Variants in GALNTL6 observed in about 807,000 individuals in gnomAD.
The protein encoded by GALNTL6 is polypeptide N-acetylgalactosaminyltransferase-like 6.
In GALNTL6, 46 loss-of-function variants were observed where a neutral mutation model predicts 73.7. That is an observed-to-expected ratio of 0.62 (90% CI 0.49 to 0.80). The LOEUF (loss-of-function observed/expected upper bound fraction) is 0.80, where lower values mean the gene tolerates loss of function less well. GALNTL6 is among the 30% of genes least tolerant of loss of function. The pLI, the probability that GALNTL6 is intolerant of heterozygous loss-of-function variation, is 0.00. For missense variants in GALNTL6, 604 were observed against 755.0 expected (o/e 0.80, Z 2.34); for synonymous variants, 259 against 263.7 (o/e 0.98, Z 0.17).
chr4:171,871,133 G>A (rs901859184), intron 2 of GALNTL6, among the ~76,000 whole-genome samples: 5 of 152,064 alleles, frequency 3.3e-5, no homozygotes, highest in Admixed American at 2.6e-4. Flanking sequence ...GGTAAATACA[G>A]TAGTCCCTTC....
At chr4:171,906,879 A>G (rs1314569145) in intron 2 of GALNTL6, among the ~76,000 whole-genome samples, 1 of 152,196 alleles carries the variant, frequency 6.6e-6, no homozygotes, top group East Asian at 1.9e-4. Flanking sequence ...TATAAACAGA[A>G]CCAAAGACAA....
intron 5 of GALNTL6, among the ~76,000 whole-genome samples, chr4:172,360,385 T>C (rs1742319850): frequency 6.6e-6 from 1 of 152,184 alleles, no homozygotes; most frequent in Admixed American, 6.5e-5. Context: ...TTGATTTTAG[T>C]CATATGTACC....
intron 7 of GALNTL6, among the ~76,000 whole-genome samples, chr4:172,815,467 C>A (rs1256292036): frequency 3.3e-5 from 5 of 152,126 alleles, no homozygotes; most frequent in African/African-American, 1.2e-4. Context: ...TAGAACTCAC[C>A]CAGGCTGGCT....
At chr4:172,388,695 TA>T (rs1743558414) in intron 5 of GALNTL6, among the ~76,000 whole-genome samples, 1 of 152,074 alleles carries the variant, frequency 6.6e-6, no homozygotes, top group Non-Finnish European at 1.5e-5. Context: ...ATTCATCTGT[TA>T]AAAAAGATGC....
At chr4:172,787,072 T>C (rs1218837812) in intron 5 of GALNTL6, among the ~76,000 whole-genome samples, 2 of 152,172 alleles carry the variant, frequency 1.3e-5, no homozygotes, top group Non-Finnish European at 2.9e-5. Flanking sequence ...ATTCAATCTA[T>C]TTTCCAGAGA....
At chr4:172,131,406 A>AATATATATAT (rs772791571) in intron 2 of GALNTL6, among the ~76,000 whole-genome samples, 208 of 137,544 alleles carry the variant, frequency 1.5e-3, no homozygotes, top group African/African-American at 5.2e-3. Context: ...ATGCCTTTAA[A>AATATATATAT]ATATATATAT....
chr4:172,898,747 A>G (rs529279746), intron 8 of GALNTL6, among the ~76,000 whole-genome samples: 32 of 152,376 alleles, frequency 2.1e-4, no homozygotes, highest in East Asian at 1.9e-3. Flanking sequence ...CTATATTCAA[A>G]TAAGGGAGGA....
chr4:172,172,765 G>A (rs374301759), intron 2 of GALNTL6, among the ~76,000 whole-genome samples: 85 of 152,278 alleles, frequency 5.6e-4, no homozygotes, highest in South Asian at 2.5e-3. Flanking sequence ...TACAAAAGCC[G>A]CCAGCCTCAG....
chr4:172,001,394 T>A (rs1388752562), intron 2 of GALNTL6, among the ~76,000 whole-genome samples: 1 of 152,136 alleles, frequency 6.6e-6, no homozygotes, highest in Non-Finnish European at 1.5e-5. Flanking sequence ...TAATTTACAT[T>A]TGATTCTGTC....
chr4:172,815,749 G>C (rs1347767851), intron 7 of GALNTL6, among the ~76,000 whole-genome samples: 1 of 152,154 alleles, frequency 6.6e-6, no homozygotes, highest in Non-Finnish European at 1.5e-5. Flanking sequence ...GTTACCTCTT[G>C]TTTCTGTCCC....
chr4:172,004,312 G>A (rs1374247363), intron 2 of GALNTL6, among the ~76,000 whole-genome samples: 2 of 152,116 alleles, frequency 1.3e-5, no homozygotes, highest in East Asian at 3.9e-4. Flanking sequence ...CAATGGATCA[G>A]TTACAGAGAT....
intron 5 of GALNTL6, among the ~76,000 whole-genome samples, chr4:172,751,258 T>C (rs1737405236): frequency 6.6e-6 from 1 of 152,178 alleles, no homozygotes; most frequent in African/African-American, 2.4e-5. Flanking sequence ...TTTTCAGTAT[T>C]ACTAAAATTA....
intron 3 of GALNTL6, among the ~76,000 whole-genome samples, chr4:172,248,277 A>G (rs147179094): frequency 6.6e-6 from 1 of 152,348 alleles, no homozygotes; most frequent in East Asian, 1.9e-4. Context: ...TTAGGAATTG[A>G]AAGTTGCATT....
intron 5 of GALNTL6, among the ~76,000 whole-genome samples, chr4:172,756,777 C>T (rs1737780086): frequency 6.6e-6 from 1 of 152,080 alleles, no homozygotes; most frequent in South Asian, 2.1e-4. Flanking sequence ...TATACCTCCT[C>T]TAGGAACTAA....
chr4:172,474,111 C>T (rs549517725), intron 5 of GALNTL6, among the ~76,000 whole-genome samples: 1 of 152,262 alleles, frequency 6.6e-6, no homozygotes, highest in African/African-American at 2.4e-5. Flanking sequence ...ATGAGTCCTT[C>T]ATACTCCCAA....
chr4:171,861,808 A>C (rs961079716), intron 2 of GALNTL6, among the ~76,000 whole-genome samples: 1 of 152,096 alleles, frequency 6.6e-6, no homozygotes, highest in African/African-American at 2.4e-5. Context: ...AATTTAAAAA[A>C]CATATCTGAT....
At chr4:172,432,989 G>A (rs917712212) in intron 5 of GALNTL6, among the ~76,000 whole-genome samples, 5 of 152,140 alleles carry the variant, frequency 3.3e-5, no homozygotes, top group Non-Finnish European at 5.9e-5. Flanking sequence ...TGACAATAGA[G>A]TTTGCTGTTC....
chr4:171,868,980 C>T (rs1477000656), intron 2 of GALNTL6, among the ~76,000 whole-genome samples: 1 of 152,168 alleles, frequency 6.6e-6, no homozygotes, highest in Non-Finnish European at 1.5e-5. Flanking sequence ...CGTGTCTTGC[C>T]TCAAAATTCT....
At chr4:171,961,837 G>T (rs1739228766) in intron 2 of GALNTL6, among the ~76,000 whole-genome samples, 1 of 152,156 alleles carries the variant, frequency 6.6e-6, no homozygotes. Flanking sequence ...AACCCTATCA[G>T]CTTGGTTCCA....
Sources: gnomAD v4.1 joint callset for allele counts (sites outside exome capture counted in the v4.1 genomes callset) on GRCh38, gnomAD v4.1.1 for gene constraint, MANE v1.5 for transcripts, NCBI Gene and HGNC (gene_info 2026-07-23, HGNC 2026-07-21) for gene names.